The following KCNH8 variants were observed in gnomAD, a reference collection of about 807,000 sequenced individuals.
KCNH8 encodes the protein voltage-gated delayed rectifier potassium channel KCNH8.
Under a neutral mutation model 103.6 loss-of-function variants are expected in KCNH8, and 70 were observed. That is an observed-to-expected ratio of 0.68 (90% CI 0.56 to 0.82). The LOEUF (loss-of-function observed/expected upper bound fraction) is 0.82. Among genes scored for constraint, KCNH8 ranks in the 40% least tolerant of loss-of-function variants. The pLI is 0.00. For synonymous variants in KCNH8, 498 were observed against 489.4 expected, an observed-to-expected ratio of 1.02 and a Z score of -0.23; for missense variants, 1,217 against 1,329.9, an observed-to-expected ratio of 0.92 and a Z score of 1.32.
chr3:19,484,480 C>T (rs533218757), intron 11 of KCNH8, among the ~76,000 whole-genome samples: 2 of 152,302 alleles, frequency 1.3e-5, no homozygotes, highest in East Asian at 1.9e-4. Context: ...TTCAGCCGTG[C>T]GTAGACCAGT....
chr3:19,482,437 T>G (rs187883277), intron 11 of KCNH8, among the ~76,000 whole-genome samples: 1 of 152,348 alleles, frequency 6.6e-6, no homozygotes, highest in East Asian at 1.9e-4. Flanking sequence ...ACTTTTATTT[T>G]TACTACCTAT....
At chr3:19,489,051 A>G (rs1387833076) in intron 11 of KCNH8, among the ~76,000 whole-genome samples, 2 of 152,132 alleles carry the variant, frequency 1.3e-5, no homozygotes, top group Non-Finnish European at 2.9e-5. Flanking sequence ...TACCCCAGTA[A>G]TATTGCTGTT....
chr3:19,426,110 A>G lies in KCNH8; in HGVS notation c.1178-12054A>G, dbSNP rs374074613. Among the ~76,000 whole-genome samples the G allele has an allele frequency of 2.1e-4, 32 of 152,226 alleles. No homozygotes were observed. In the East Asian group the frequency reaches 5.2e-3, roughly 25 times the overall value. On this transcript the variant is annotated intron_variant, in intron 7 of 15. Transcript: ENST00000328405. Reference sequence around the variant, plus strand: ...TCTGCCTTCCACCAAGGCCTGGGATAGCCAGAGCCCTGGCTTTTTAGCATC... The same window carrying G: ...TCTGCCTTCCACCAAGGCCTGGGATGGCCAGAGCCCTGGCTTTTTAGCATC...
intron 2 of KCNH8, among the ~76,000 whole-genome samples, chr3:19,264,285 T>G (rs1035647309): frequency 3.3e-5 from 5 of 152,118 alleles, no homozygotes; most frequent in African/African-American, 1.2e-4. Flanking sequence ...ACATGCAGCC[T>G]GTATGGAGAG....
At chr3:19,499,707 T>A (rs374551517) in intron 11 of KCNH8, among the ~76,000 whole-genome samples, 1 of 152,072 alleles carries the variant, frequency 6.6e-6, no homozygotes, top group Non-Finnish European at 1.5e-5. Flanking sequence ...AAGTGAAGGA[T>A]AAATAAAATC....
At position 19,207,580 on chromosome 3, in the gene KCNH8, A is replaced by G. The variant is rs530611682; in HGVS notation, c.77-46074A>G. On this transcript the variant is annotated intron_variant, in intron 1 of 15. Coordinates refer to ENST00000328405, the MANE Select transcript of KCNH8 (RefSeq NM_144633.3). ...TTAATGCTTCTTCTTTGATCACTTT[A>G]TGATAATACAAAATAATCTGTTAAT... Among the ~76,000 whole-genome samples the G allele has an allele frequency of 2.6e-5, 4 of 152,180 alleles. No individual in the cohort carries two copies. The South Asian group carries it at 6.2e-4, about 24-fold the overall frequency.
intron 2 of KCNH8, among the ~76,000 whole-genome samples, chr3:19,264,132 A>G (rs913351058): frequency 3.3e-5 from 5 of 152,040 alleles, no homozygotes; most frequent in African/African-American, 7.2e-5. Context: ...TTCAGTCTTG[A>G]TAGGAGATTA....
rs187509471 is a variant in KCNH8 at position 19,429,489 on chromosome 3, A to G, written c.1178-8675A>G. Among the ~76,000 whole-genome samples the G allele has an allele frequency of 3.3e-5, 5 of 152,290 alleles. No homozygotes were observed. In the East Asian group the frequency reaches 9.6e-4, roughly 29 times the overall value. ...GCGCCCGGCCGGAATCCACTCTTCTAACAAAGGCTGACACCTCAAAATTGG... is the reference window on the plus strand; with the variant it reads ...GCGCCCGGCCGGAATCCACTCTTCTGACAAAGGCTGACACCTCAAAATTGG... On this transcript the variant is annotated intron_variant, in intron 7 of 15. Coordinates refer to ENST00000328405, the MANE Select transcript of KCNH8 (RefSeq NM_144633.3).
At chr3:19,385,645 A>C (rs140806218) in intron 5 of KCNH8, among the ~76,000 whole-genome samples, 4 of 152,302 alleles carry the variant, frequency 2.6e-5, no homozygotes, top group Admixed American at 2.6e-4. Flanking sequence ...TTATCCACTA[A>C]TATTGGCAAT....
chr3:19,216,676 C>T (rs1357455899), intron 1 of KCNH8, among the ~76,000 whole-genome samples: 1 of 152,136 alleles, frequency 6.6e-6, no homozygotes, highest in Non-Finnish European at 1.5e-5. Context: ...CTTCCCTTTC[C>T]CCAGTGGAAA....
At chr3:19,406,162 G>C (rs1460347249) in intron 7 of KCNH8, among the ~76,000 whole-genome samples, 1 of 152,022 alleles carries the variant, frequency 6.6e-6, no homozygotes, top group African/African-American at 2.4e-5. Context: ...CATAACAGCT[G>C]CCATAACTCA....
At chr3:19,429,934 A>G (rs566990506) in intron 7 of KCNH8, among the ~76,000 whole-genome samples, 1 of 152,268 alleles carries the variant, frequency 6.6e-6, no homozygotes, top group South Asian at 2.1e-4. Flanking sequence ...AATGGTGTAT[A>G]TCTACTACAT....
chr3:19,447,373 CAATT>C (rs1163989264), intron 8 of KCNH8, among the ~76,000 whole-genome samples: 1 of 152,022 alleles, frequency 6.6e-6, no homozygotes, highest in African/African-American at 2.4e-5. Context: ...ATGAATGCTA[CAATT>C]AATCCAGTAA....
intron 1 of KCNH8, among the ~76,000 whole-genome samples, chr3:19,164,173 C>G (rs138595783): frequency 6.6e-6 from 1 of 152,086 alleles, no homozygotes; most frequent in African/African-American, 2.4e-5. Context: ...TCTCTTTTGA[C>G]CTGTCATTGC....
Position 19,347,784 on chromosome 3 carries a change from C to G in KCNH8, c.630C>G (p.Ser210=), listed in dbSNP as rs1468108022. Residue 210 remains serine (S), a synonymous_variant, in exon 5 of 16, where the codon TCC becomes TCG. Transcript: ENST00000328405. ...PEYKVSDAKK[S]KFILLHFSTF... ...ATAAAGTTTCTGATGCAAAAAAGTC[C>G]AAATTCATACTTCTGCATTTTAGCA... 9.3e-6 allele frequency: 15 copies of G among 1,613,078 alleles called. No individual in the cohort carries two copies. The highest frequency in any genetic ancestry group is 1.2e-5 in the Non-Finnish European group (14 of 1,179,382).
At chr3:19,290,390 T>C (rs139153684) in intron 3 of KCNH8, among the ~76,000 whole-genome samples, 3 of 152,126 alleles carry the variant, frequency 2.0e-5, no homozygotes, top group Non-Finnish European at 4.4e-5. Flanking sequence ...GTTTGTCATA[T>C]ATAGCTCTTA....
chr3:19,493,855 A>T (rs1465993271), intron 11 of KCNH8, among the ~76,000 whole-genome samples: 1 of 152,100 alleles, frequency 6.6e-6, no homozygotes, highest in Non-Finnish European at 1.5e-5. Context: ...TTGTTTTATT[A>T]TAACTTTTAT....
chr3:19,326,681 C>T (rs2065429274), intron 3 of KCNH8, among the ~76,000 whole-genome samples: 1 of 152,252 alleles, frequency 6.6e-6, no homozygotes, highest in South Asian at 2.1e-4. Context: ...TAAGGTGGCA[C>T]TACCCTCCTG....
At chr3:19,368,255 A>C (rs1340396321) in intron 5 of KCNH8, among the ~76,000 whole-genome samples, 1 of 152,076 alleles carries the variant, frequency 6.6e-6, no homozygotes, top group Non-Finnish European at 1.5e-5. Flanking sequence ...AAATTTGTCT[A>C]AGCATGGAAA....
Sources: allele counts gnomAD v4.1 joint callset (sites outside exome capture counted in the v4.1 genomes callset), GRCh38; gene constraint gnomAD v4.1.1; transcripts MANE v1.5; gene names NCBI Gene and HGNC (gene_info 2026-07-23, HGNC 2026-07-21).